ARHGAP17: variants seen among roughly 807,000 people sequenced by gnomAD.
The protein encoded by ARHGAP17 is rho GTPase-activating protein 17.
A neutral mutation model predicts 99.5 loss-of-function variants in ARHGAP17; 57 were observed. That is an observed-to-expected ratio of 0.57 (90% CI 0.46 to 0.71). The LOEUF (loss-of-function observed/expected upper bound fraction) is 0.71. ARHGAP17 is among the 30% of genes least tolerant of loss of function. ARHGAP17 has a pLI of 0.00. For synonymous variants in ARHGAP17, 417 were observed against 429.6 expected (o/e 0.97, Z 0.36); for missense variants, 1,000 against 1,122.4 (o/e 0.89, Z 1.56).
chr16:24,950,836 CAAAAAAAAAAAAA>C (rs1177614713), intron 12 of ARHGAP17, among the ~76,000 whole-genome samples: 1 of 39,444 alleles, frequency 2.5e-5, no homozygotes, highest in African/African-American at 1.0e-4. Flanking sequence ...GACTCCAACT[CAAAAAAAAAAAAA>C]AAAAAAAAAG....
chr16:24,947,459 T>C (rs747814062), intron 14 of ARHGAP17, 23 bp downstream of exon 14: 1 of 1,587,454 alleles, frequency 6.3e-7, no homozygotes, highest in South Asian at 1.1e-5. Flanking sequence ...GAAATTCAAA[T>C]GATACAGAGA....
intron 6 of ARHGAP17, among the ~76,000 whole-genome samples, chr16:24,965,636 G>A (rs564710117): frequency 7.9e-5 from 12 of 152,234 alleles, no homozygotes; most frequent in Non-Finnish European, 1.5e-4. Flanking sequence ...CTAAACTGGA[G>A]ATGCTATATT....
intron 1 of ARHGAP17, among the ~76,000 whole-genome samples, chr16:24,981,376 T>C (rs1203484780): frequency 6.6e-6 from 1 of 152,098 alleles, no homozygotes; most frequent in Non-Finnish European, 1.5e-5. Flanking sequence ...CAGCTGCAAA[T>C]AATTGATTGG....
At chr16:24,994,239 G>C (rs186062573) in intron 1 of ARHGAP17, among the ~76,000 whole-genome samples, 35 of 152,314 alleles carry the variant, frequency 2.3e-4, no homozygotes, top group African/African-American at 7.5e-4. Flanking sequence ...AGGAGTGCCT[G>C]ATGGATGAAA....
intron 3 of ARHGAP17, among the ~76,000 whole-genome samples, chr16:24,972,411 GT>G (rs1415410414): frequency 3.9e-5 from 6 of 152,066 alleles, no homozygotes; most frequent in Non-Finnish European, 5.9e-5. Flanking sequence ...TAGAGACAAG[GT>G]CTCACTATGT....
intron 1 of ARHGAP17, among the ~76,000 whole-genome samples, chr16:24,985,217 T>C: frequency 6.6e-6 from 1 of 151,974 alleles, no homozygotes; most frequent in East Asian, 1.9e-4. Flanking sequence ...CTAAATAATA[T>C]AAAGAATTAT....
At chr16:24,934,946 C>T (rs183396666) in intron 18 of ARHGAP17, among the ~76,000 whole-genome samples, 48 of 152,222 alleles carry the variant, frequency 3.2e-4, no homozygotes, top group Non-Finnish European at 5.3e-4. Context: ...GCACAGAGAA[C>T]CCAGGGTGAG....
chr16:24,940,317 T>C (rs535112595), intron 16 of ARHGAP17, among the ~76,000 whole-genome samples: 1 of 152,266 alleles, frequency 6.6e-6, no homozygotes, highest in South Asian at 2.1e-4. Flanking sequence ...AGTGTAAGGT[T>C]ATCACACCAC....
At chr16:25,011,595 C>T (rs2053643173) in intron 1 of ARHGAP17, among the ~76,000 whole-genome samples, 2 of 151,762 alleles carry the variant, frequency 1.3e-5, no homozygotes, top group South Asian at 4.1e-4. Context: ...GTCCCAGCTA[C>T]TTGGGAGGCT....
At chr16:24,920,798 A>G (rs2050701323) in intron 19 of ARHGAP17, 1 of 153,390 alleles carries the variant, frequency 6.5e-6, no homozygotes, top group Admixed American at 6.5e-5. Context: ...GTGACAACCG[A>G]AAGTGTCTCC....
At chr16:24,982,472 T>G (rs2052701988) in intron 1 of ARHGAP17, among the ~76,000 whole-genome samples, 1 of 152,126 alleles carries the variant, frequency 6.6e-6, no homozygotes, top group South Asian at 2.1e-4. Context: ...GATCTATAAT[T>G]GGGAAGAATT....
Position 24,979,411 on chromosome 16 carries a change from G to T in ARHGAP17, c.54-406C>A, listed in dbSNP as rs201124859. Among the ~76,000 whole-genome samples, 195 of 152,252 alleles carry T rather than the reference G, an allele frequency of 1.3e-3. No homozygotes were observed. The South Asian group carries it at 0.028, about 22-fold the overall frequency. ...TCCATTGCAGGAGGTCTAGAGACAT[G>T]GCTTTGAGAAAACACTGTTCTACAG... is the stretch of plus-strand genomic sequence containing the variant. On this transcript the variant is annotated intron_variant, in intron 1 of 19. Coordinates refer to ENST00000289968, the MANE Select transcript of ARHGAP17 (RefSeq NM_001006634.3).
At chr16:25,001,157 A>C (rs1024666525) in intron 1 of ARHGAP17, among the ~76,000 whole-genome samples, 1 of 152,236 alleles carries the variant, frequency 6.6e-6, no homozygotes, top group African/African-American at 2.4e-5. Context: ...TGAACTAAAT[A>C]GCAAAAGCAG....
chr16:24,988,594 T>C (rs1423437951), intron 1 of ARHGAP17, among the ~76,000 whole-genome samples: 3 of 152,360 alleles, frequency 2.0e-5, no homozygotes, highest in South Asian at 4.1e-4. Context: ...ATAATATTAT[T>C]TGAATTCCAG....
At chr16:24,990,771 C>CTT (rs11371621) in intron 1 of ARHGAP17, among the ~76,000 whole-genome samples, 7,620 of 135,230 alleles carry the variant, frequency 0.056, 388 homozygotes, top group African/African-American at 0.13. Flanking sequence ...TGGGGCTTGG[C>CTT]TTTTTTTTTT....
At chr16:24,968,817 CA>C in intron 4 of ARHGAP17, 45 bp from the exon 5 acceptor site, 1 of 1,582,466 alleles carries the variant, frequency 6.3e-7, no homozygotes. Context: ...CTCATTAAAT[CA>C]GGCACTGGAT....
chr16:24,930,607 G>T, intron 19 of ARHGAP17, 177 bp downstream of exon 19: 1 of 1,052,530 alleles, frequency 9.5e-7, no homozygotes, highest in Non-Finnish European at 1.5e-6. Context: ...TTAACAAATG[G>T]GTGTAGCTGT....
At chr16:24,924,678 C>T (rs2050796614) in intron 19 of ARHGAP17, among the ~76,000 whole-genome samples, 1 of 151,454 alleles carries the variant, frequency 6.6e-6, no homozygotes, top group Non-Finnish European at 1.5e-5. Context: ...GCCTGGCCAA[C>T]ATGGTGAAAC....
At chr16:24,920,283 A>G (rs377494109) in intron 19 of ARHGAP17, 23 bp from the exon 20 acceptor site, 20 of 1,613,184 alleles carry the variant, frequency 1.2e-5, no homozygotes, top group African/African-American at 2.7e-5. Flanking sequence ...ACGAGGAGAC[A>G]TGGTATCAAT....
Sources: allele counts gnomAD v4.1 joint callset (sites outside exome capture counted in the v4.1 genomes callset), GRCh38; gene constraint gnomAD v4.1.1; transcripts MANE v1.5; gene names NCBI Gene and HGNC (gene_info 2026-07-23, HGNC 2026-07-21).